NKAIN3: variants seen among roughly 807,000 people sequenced by gnomAD.
NKAIN3 encodes sodium/potassium transporting ATPase interacting 3.
A neutral mutation model predicts 30.2 loss-of-function variants in NKAIN3; 25 were observed. The observed-to-expected ratio is 0.83, with a 90% CI of 0.60 to 1.16. NKAIN3 has a LOEUF of 1.16. Among genes scored for constraint, NKAIN3 ranks in the 50% most tolerant of loss-of-function variants. NKAIN3 has a pLI of 0.00. For missense variants in NKAIN3, 225 were observed against 254.1 expected (o/e 0.89, Z 0.78); for synonymous variants, 91 against 89.6 (o/e 1.02, Z -0.09).
intron 1 of NKAIN3, among the ~76,000 whole-genome samples, chr8:62,318,353 G>A (rs1486098237): frequency 1.3e-5 from 2 of 152,156 alleles, no homozygotes; most frequent in Non-Finnish European, 2.9e-5. Context: ...GGAGTGGTGA[G>A]AGGGCATCCC....
intron 3 of NKAIN3, among the ~76,000 whole-genome samples, chr8:62,645,052 T>A (rs1187057445): frequency 2.0e-5 from 3 of 152,156 alleles, no homozygotes; most frequent in African/African-American, 7.2e-5. Flanking sequence ...GATTAGGTTA[T>A]CTGTCACCTA....
At chr8:62,276,027 A>G (rs1812943298) in intron 1 of NKAIN3, among the ~76,000 whole-genome samples, 1 of 152,054 alleles carries the variant, frequency 6.6e-6, no homozygotes, top group South Asian at 2.1e-4. Flanking sequence ...AAGTTACTGT[A>G]TCGGTCTACT....
chr8:62,673,286 T>C (rs1357942318), intron 3 of NKAIN3, among the ~76,000 whole-genome samples: 1 of 152,246 alleles, frequency 6.6e-6, no homozygotes, highest in Non-Finnish European at 1.5e-5. Flanking sequence ...TATTTCAAAT[T>C]TAATTGAAAA....
At chr8:62,860,348 G>C (rs1373270517) in intron 4 of NKAIN3, among the ~76,000 whole-genome samples, 1 of 152,164 alleles carries the variant, frequency 6.6e-6, no homozygotes, top group Non-Finnish European at 1.5e-5. Context: ...ATCCCTCTGA[G>C]CCATCACCTT....
Position 62,876,865 on chromosome 8 carries a change from C to T in NKAIN3, c.472-41588C>T, listed in dbSNP as rs553389223. Among the ~76,000 whole-genome samples, 274 of 151,856 alleles carry T rather than the reference C, an allele frequency of 1.8e-3. 2 individuals carry two copies. Among genetic ancestry groups the T allele is most frequent in the Non-Finnish European group, 3.2e-3 (214 of 67,908 alleles). ...GGATGGGTCAATAGGTGCAGCAAACCATCATGGCACACGTATACCTATGTA... is the reference window on the plus strand; with the variant it reads ...GGATGGGTCAATAGGTGCAGCAAACTATCATGGCACACGTATACCTATGTA... On this transcript the variant is annotated intron_variant, in intron 4 of 6. Coordinates refer to ENST00000623646, the MANE Select transcript of NKAIN3 (RefSeq NM_001304533.3).
intron 3 of NKAIN3, among the ~76,000 whole-genome samples, chr8:62,644,723 T>G (rs1294751984): frequency 1.3e-5 from 2 of 152,180 alleles, no homozygotes; most frequent in Non-Finnish European, 2.9e-5. Flanking sequence ...ATAATACTTT[T>G]GATTTTTGAT....
rs968153209 is a variant in NKAIN3, at chr8:62,983,980, G to A, written c.*18573G>A. 3.9e-5 allele frequency: 6 copies of A among 152,286 alleles called. No individual in the cohort carries two copies. The highest frequency in any genetic ancestry group is 1.2e-4 in the African/African-American group (5 of 41,566). The allele number at this position is 152,286 out of a possible 1,614,324, so 9.4% of individuals were successfully genotyped here. A position where few individuals can be genotyped will look rare whatever the true frequency, so the allele number is the denominator to read the frequency against. ...AACTTAACAGACTAGGCAACTAAAG[G>A]AACTCAGTAAAAGATCAAAAGCAAT... On this transcript the variant is annotated 3_prime_UTR_variant, in exon 7 of 7. Transcript: ENST00000623646.
At chr8:62,596,509 C>T (rs368705644) in intron 3 of NKAIN3, among the ~76,000 whole-genome samples, 1 of 152,030 alleles carries the variant, frequency 6.6e-6, no homozygotes, top group Non-Finnish European at 1.5e-5. Context: ...TAGGAATTCC[C>T]TTTCTCTCCA....
intron 1 of NKAIN3, among the ~76,000 whole-genome samples, chr8:62,395,425 G>A (rs1033831660): frequency 6.6e-6 from 1 of 152,172 alleles, no homozygotes; most frequent in Non-Finnish European, 1.5e-5. Flanking sequence ...GGAACCAGGC[G>A]GAGGCACTCT....
At chr8:62,639,632 CT>C (rs1812243667) in intron 3 of NKAIN3, among the ~76,000 whole-genome samples, 1 of 151,918 alleles carries the variant, frequency 6.6e-6, no homozygotes, top group Non-Finnish European at 1.5e-5. Context: ...AGAAATTGAC[CT>C]TGCAAAAGAG....
chr8:62,781,186 CA>C (rs917574814), intron 4 of NKAIN3, among the ~76,000 whole-genome samples: 14 of 150,614 alleles, frequency 9.3e-5, no homozygotes, highest in Non-Finnish European at 1.9e-4. Context: ...AAAATAGCTG[CA>C]AAAAATAAAT....
At chr8:62,882,871 G>T (rs1821028885) in intron 4 of NKAIN3, among the ~76,000 whole-genome samples, 1 of 152,044 alleles carries the variant, frequency 6.6e-6, no homozygotes, top group Non-Finnish European at 1.5e-5. Context: ...CTTATGTGGG[G>T]CTGTTTCTGG....
intron 1 of NKAIN3, among the ~76,000 whole-genome samples, chr8:62,370,984 G>C (rs1439546601): frequency 6.6e-6 from 1 of 151,918 alleles, no homozygotes; most frequent in African/African-American, 2.4e-5. Context: ...AAATCTTAGA[G>C]AACATTTTTA....
intron 6 of NKAIN3, among the ~76,000 whole-genome samples, chr8:62,958,007 T>C (rs1563645328): frequency 6.6e-6 from 1 of 152,216 alleles, no homozygotes; most frequent in East Asian, 1.9e-4. Context: ...TCAATTTTGC[T>C]GTGAACCTAA....
chr8:62,824,932 A>G (rs1467315439), intron 4 of NKAIN3, among the ~76,000 whole-genome samples: 1 of 152,220 alleles, frequency 6.6e-6, no homozygotes, highest in African/African-American at 2.4e-5. Flanking sequence ...ACAATACTTA[A>G]GTGAAGATTG....
intron 1 of NKAIN3, among the ~76,000 whole-genome samples, chr8:62,427,731 C>T (rs145000581): frequency 6.6e-6 from 1 of 151,890 alleles, no homozygotes; most frequent in Non-Finnish European, 1.5e-5. Context: ...AGAAGTTGTA[C>T]ACATTATAGG....
intron 1 of NKAIN3, among the ~76,000 whole-genome samples, chr8:62,528,319 T>C (rs7845965): frequency 3.0e-5 from 2 of 66,966 alleles, no homozygotes; most frequent in Non-Finnish European, 5.6e-5. Flanking sequence ...ATATATATAT[T>C]ATATAATATA....
chr8:62,340,106 G>A lies in NKAIN3; in HGVS notation c.54+90979G>A, dbSNP rs149134803. ...ATTTAACAAAGTTTTATGTTACATA[G>A]AAGCCTGCAGGAAAACTGTATTTTT... On this transcript the variant is annotated intron_variant, in intron 1 of 6. Coordinates refer to ENST00000623646, the MANE Select transcript of NKAIN3 (RefSeq NM_001304533.3). Among the ~76,000 whole-genome samples, 219 of 152,150 alleles carry A rather than the reference G, an allele frequency of 1.4e-3. 1 individual carries two copies. The highest frequency in any genetic ancestry group is 5.0e-3 in the African/African-American group (208 of 41,542).
chr8:62,300,617 T>C (rs1278917778), intron 1 of NKAIN3, among the ~76,000 whole-genome samples: 1 of 152,164 alleles, frequency 6.6e-6, no homozygotes, highest in East Asian at 1.9e-4. Context: ...AAGTATCTTA[T>C]TTGGCCAAAA....
Sources: allele counts gnomAD v4.1 joint callset (sites outside exome capture counted in the v4.1 genomes callset), GRCh38; gene constraint gnomAD v4.1.1; transcripts MANE v1.5; gene names NCBI Gene and HGNC (gene_info 2026-07-23, HGNC 2026-07-21).